EXTL3: variants seen among roughly 807,000 people sequenced by gnomAD.
EXTL3 encodes exostosin-like 3.
Under a neutral mutation model 69.3 loss-of-function variants are expected in EXTL3, and 27 were observed. That is an observed-to-expected ratio of 0.39 (90% CI 0.29 to 0.54). The LOEUF is 0.54. Ranked by LOEUF, EXTL3 falls within the 20% of genes least tolerant of loss-of-function variation. The pLI is 0.69. For synonymous variants in EXTL3, 511 were observed against 499.4 expected, an observed-to-expected ratio of 1.02 and a Z score of -0.31; for missense variants, 1,003 against 1,231.8, an observed-to-expected ratio of 0.81 and a Z score of 2.78.
rs151073081 is a variant in EXTL3 at position 28,718,195 on chromosome 8, C to T, written c.2136C>T (p.Gly712=). 4.5e-4 allele frequency: 729 copies of T among 1,614,022 alleles called. 1 individual carries two copies. In the African/African-American group the frequency reaches 7.8e-3, roughly 17 times the overall value. Residue 712 remains glycine (G), a synonymous_variant, in exon 3 of 7, where the codon GGC becomes GGT. Coordinates refer to ENST00000220562, the MANE Select transcript of EXTL3 (RefSeq NM_001440.4). The stretch of plus-strand genomic sequence containing the variant: ...AGGACCTTCTGTGGCCTGACATTGG[C>T]GTCCCCATCATGGTAATAGAGAAAC... ...PSEDLLWPDI[G]VPIMVVRTEK... is the part of the protein sequence containing the mutation.
chr8:28,737,541 C>T lies in EXTL3; in HGVS notation c.2299C>T (p.Arg767Cys), dbSNP rs768599793. The change falls in exon 5 of 7, where the codon CGC becomes TGC. Residue 767 changes from arginine (R) to cysteine (C), a missense_variant. By Grantham distance (180) the Arg-to-Cys change is radical (BLOSUM62 -3). Coordinates refer to ENST00000220562, the MANE Select transcript of EXTL3 (RefSeq NM_001440.4). ...AAGGGTGTGGAGAGAAGCTCGGGAC[C>T]GCATCGTGGGCTTCCCTGGCCGTTA... ...GFRVWREARDRIVGFPGRYHA... is the reference protein window; with the variant it reads ...GFRVWREARDCIVGFPGRYHA... 3.7e-6 allele frequency: 6 copies of T among 1,613,870 alleles called. No individual in the cohort carries two copies. Among genetic ancestry groups the T allele is most frequent in the South Asian group, 2.2e-5 (2 of 91,084 alleles).
chr8:28,620,596 G>C (rs190367484), upstream of EXTL3, among the ~76,000 whole-genome samples: 14 of 152,350 alleles, frequency 9.2e-5, no homozygotes, highest in African/African-American at 3.4e-4. Context: ...CCTCTAGGCT[G>C]TCTTAGCTCA....
intron 6 of EXTL3, among the ~76,000 whole-genome samples, chr8:28,745,392 A>G (rs1303082392): frequency 6.6e-6 from 1 of 152,240 alleles, no homozygotes; most frequent in Non-Finnish European, 1.5e-5. Context: ...AATTAGCAAC[A>G]TAATGTATCA....
chr8:28,614,720 T>C (rs1483286624), intron 2 of EXTL3, among the ~76,000 whole-genome samples: 1 of 152,230 alleles, frequency 6.6e-6, no homozygotes, highest in Non-Finnish European at 1.5e-5. Flanking sequence ...CCTACAAATT[T>C]TGATAAATGA....
chr8:28,732,054 T>A (rs78908035), intron 4 of EXTL3, among the ~76,000 whole-genome samples: 1 of 152,166 alleles, frequency 6.6e-6, no homozygotes, highest in Non-Finnish European at 1.5e-5. Flanking sequence ...CAGAACCACG[T>A]AGAAGCTAGA....
At chr8:28,694,323 C>T (rs765912927) in intron 1 of EXTL3, among the ~76,000 whole-genome samples, 29 of 152,330 alleles carry the variant, frequency 1.9e-4, no homozygotes, top group African/African-American at 6.5e-4. Flanking sequence ...GGCTTGTATA[C>T]CTCAAACGAT....
chr8:28,753,806 C>T lies in EXTL3; in HGVS notation c.*2940C>T, dbSNP rs904058297. On this transcript the variant is annotated 3_prime_UTR_variant, in exon 7 of 7. Transcript: ENST00000220562. ...CCTGTGTATGCCAGCTGGGCCTGCTCGCAGAAGACGATGGGAGGCAGCCTG... is the reference window on the plus strand; with the variant it reads ...CCTGTGTATGCCAGCTGGGCCTGCTTGCAGAAGACGATGGGAGGCAGCCTG... The T allele has an allele frequency of 1.6e-4, 25 of 152,434 alleles. No homozygotes were observed. Among genetic ancestry groups the T allele is most frequent in the African/African-American group, 5.1e-4 (21 of 41,434 alleles). The allele number at this position is 152,434 out of a possible 1,614,324, so 9.4% of individuals were successfully genotyped here. A position where few individuals can be genotyped will look rare whatever the true frequency, so the allele number is the denominator to read the frequency against.
intron 3 of EXTL3, among the ~76,000 whole-genome samples, chr8:28,720,742 TGGGGTA>T (rs1222691625): frequency 6.6e-6 from 1 of 152,104 alleles, no homozygotes; most frequent in African/African-American, 2.4e-5. Flanking sequence ...TCCCGTTGAA[TGGGGTA>T]GGACTACCAA....
chr8:28,663,678 C>T (rs570604646), intron 1 of EXTL3, among the ~76,000 whole-genome samples: 2 of 152,288 alleles, frequency 1.3e-5, no homozygotes, highest in East Asian at 1.9e-4. Flanking sequence ...TCTCGAACTC[C>T]TGACCTCAAG....
chr8:28,676,950 G>C (rs537591066), intron 1 of EXTL3, among the ~76,000 whole-genome samples: 1 of 152,278 alleles, frequency 6.6e-6, no homozygotes, highest in South Asian at 2.1e-4. Context: ...CTGCTGGTCT[G>C]CAGACCATGC....
chr8:28,682,753 T>C (rs994579987), intron 1 of EXTL3, among the ~76,000 whole-genome samples: 29 of 152,122 alleles, frequency 1.9e-4, no homozygotes, highest in African/African-American at 5.5e-4. Context: ...CTGCGGCAGC[T>C]TTTTAGTCTG....
rs1801817704 is a variant in EXTL3 at position 28,743,290 on chromosome 8, A to G, written c.2550+76A>G. The stretch of plus-strand genomic sequence containing the variant: ...TTGTTTTGCAGTAGTGCAGCACGTA[A>G]CTGCACTGTACCTCAGAGTCCTCAT... On this transcript the variant is annotated intron_variant, in intron 6 of 6. Transcript: ENST00000220562. The G allele has an allele frequency of 2.0e-6, 3 of 1,485,514 alleles. No individual in the cohort carries two copies. The Admixed American group carries it at 5.0e-5, about 25-fold the overall frequency. The allele number at this position is 1,485,514 out of a possible 1,614,324, so 92.0% of individuals were successfully genotyped here.
chr8:28,637,867 A>G (rs1387569991), intron 1 of EXTL3, among the ~76,000 whole-genome samples: 1 of 152,126 alleles, frequency 6.6e-6, no homozygotes, highest in Non-Finnish European at 1.5e-5. Context: ...TCGGCTCCCC[A>G]GCTGCCTTCA....
At chr8:28,743,962 C>T (rs1324573504) in intron 6 of EXTL3, 2 of 152,762 alleles carry the variant, frequency 1.3e-5, no homozygotes, top group Non-Finnish European at 2.9e-5. Context: ...TCTAGAAGTT[C>T]TGAGGGTATT....
chr8:28,723,305 CTT>C (rs951327275), intron 3 of EXTL3, among the ~76,000 whole-genome samples: 1 of 152,126 alleles, frequency 6.6e-6, no homozygotes, highest in Non-Finnish European at 1.5e-5. Flanking sequence ...TCGTCTTTCT[CTT>C]TGACAACATT....
At chr8:28,670,300 A>G (rs2130639978) in intron 1 of EXTL3, among the ~76,000 whole-genome samples, 1 of 152,088 alleles carries the variant, frequency 6.6e-6, no homozygotes, top group South Asian at 2.1e-4. Context: ...TAAGGCAGCA[A>G]ACAGTGATTT....
intron 1 of EXTL3, among the ~76,000 whole-genome samples, chr8:28,712,646 A>G (rs1249119020): frequency 6.6e-6 from 1 of 152,174 alleles, no homozygotes; most frequent in Non-Finnish European, 1.5e-5. Flanking sequence ...TTTGTGCTTG[A>G]AATAATTTAA....
At chr8:28,622,884 G>C (rs1470328919) in intron 1 of EXTL3, 2 of 152,252 alleles carry the variant, frequency 1.3e-5, no homozygotes, top group Non-Finnish European at 2.9e-5. Flanking sequence ...GAGAAGCGGC[G>C]AGCTGCTAAA....
In EXTL3 at chr8:28,716,878, T is replaced by C. The variant is rs1563215011; in HGVS notation, c.819T>C (p.His273=). The C allele has an allele frequency of 6.2e-7, 1 of 1,614,162 alleles. No homozygotes were observed. Among genetic ancestry groups the C allele is most frequent in the Non-Finnish European group, 8.5e-7 (1 of 1,180,016 alleles). Residue 273 remains histidine, a synonymous_variant, in exon 3 of 7, where the codon CAT becomes CAC. Coordinates refer to ENST00000220562, the MANE Select transcript of EXTL3 (RefSeq NM_001440.4). This position sits in a 1 kb window ranked among gnomAD's most constrained non-coding sequence, Gnocchi z 7.1. Reference sequence around the variant, plus strand: ...ACTGGCGGACGGATGGACACAACCATGTCATCATCAATCTGTCACGTAAGT... The same window carrying C: ...ACTGGCGGACGGATGGACACAACCACGTCATCATCAATCTGTCACGTAAGT... ...LPHWRTDGHN[H]VIINLSRKSD...
Sources: gnomAD v4.1 joint callset for allele counts (sites outside exome capture counted in the v4.1 genomes callset) on GRCh38, gnomAD v4.1.1 for gene constraint, Gnocchi (gnomAD v3.1) non-coding constraint, MANE v1.5 for transcripts, NCBI Gene and HGNC (gene_info 2026-07-23, HGNC 2026-07-21) for gene names.